Variants in RNF152 observed in about 807,000 individuals in gnomAD.
RNF152 encodes E3 ubiquitin-protein ligase RNF152.
RNF152 carries 11 observed loss-of-function variants against 12.7 expected under a neutral mutation model. That is an observed-to-expected ratio of 0.86 (90% CI 0.54 to 1.43). The LOEUF (loss-of-function observed/expected upper bound fraction) is 1.43. Ranked by LOEUF, RNF152 falls within the 40% of genes most tolerant of loss-of-function variation. RNF152 has a pLI of 0.00. For missense variants in RNF152, 255 were observed against 274.8 expected (o/e 0.93, Z 0.51); for synonymous variants, 113 against 120.3 (o/e 0.94, Z 0.40).
chr18:61,841,741 G>A (rs1425183606), intron 1 of RNF152, among the ~76,000 whole-genome samples: 1 of 152,224 alleles, frequency 6.6e-6, no homozygotes, highest in Non-Finnish European at 1.5e-5. Context: ...AACCGCAAGT[G>A]AAGAACTGGT....
chr18:61,884,185 C>T (rs1031222136), intron 1 of RNF152, among the ~76,000 whole-genome samples: 1 of 152,146 alleles, frequency 6.6e-6, no homozygotes, highest in Non-Finnish European at 1.5e-5. Context: ...TAAGTCTCTC[C>T]TGTTCTTACA....
upstream of RNF152, chr18:61,893,015 G>A (rs1367482071): frequency 6.6e-6 from 1 of 152,664 alleles, no homozygotes; most frequent in Non-Finnish European, 1.5e-5. Flanking sequence ...GGTGCACTAG[G>A]GAGGTGGAGC....
Position 61,814,020 on chromosome 18 carries a change from A to T in RNF152, c.*1832T>A, listed in dbSNP as rs2144605709. 1 of 152,330 alleles carries T rather than the reference A, an allele frequency of 6.6e-6. No homozygotes were observed. The highest frequency in any genetic ancestry group is 2.4e-5 in the African/African-American group (1 of 41,598). 9.4% of individuals were successfully genotyped at this position (152,330 alleles called of 1,614,324 possible). ...ACACAATAAAATGGCATTTTAACCT[A>T]ATTTCTATTTTGAGCTTTCAAATAC... On this transcript the variant is annotated 3_prime_UTR_variant, in exon 2 of 2. Coordinates refer to ENST00000312828, the MANE Select transcript of RNF152 (RefSeq NM_173557.3).
intron 1 of RNF152, among the ~76,000 whole-genome samples, chr18:61,884,226 T>C (rs1229653129): frequency 1.7e-5 from 2 of 117,808 alleles, no homozygotes; most frequent in African/African-American, 3.3e-5. Flanking sequence ...CTCCCCCATT[T>C]TGCAGCTGAA....
intron 1 of RNF152, among the ~76,000 whole-genome samples, chr18:61,879,223 A>G (rs1411037658): frequency 6.6e-6 from 1 of 152,242 alleles, no homozygotes; most frequent in Non-Finnish European, 1.5e-5. Flanking sequence ...ATTACTTGCT[A>G]AACGATACAG....
At chr18:61,853,208 T>C (rs574633999) in intron 1 of RNF152, among the ~76,000 whole-genome samples, 2 of 152,212 alleles carry the variant, frequency 1.3e-5, no homozygotes, top group African/African-American at 4.8e-5. Context: ...AGCCCAGATG[T>C]CTGAATTGGT....
intron 1 of RNF152, among the ~76,000 whole-genome samples, chr18:61,845,401 C>A (rs1276810667): frequency 6.6e-6 from 1 of 152,224 alleles, no homozygotes; most frequent in Non-Finnish European, 1.5e-5. Flanking sequence ...TCAGCCCCAG[C>A]CAGCTGGGCA....
chr18:61,878,749 C>T (rs116279781), intron 1 of RNF152, among the ~76,000 whole-genome samples: 62 of 152,270 alleles, frequency 4.1e-4, no homozygotes, highest in African/African-American at 1.5e-3. Flanking sequence ...AATGGAAGGG[C>T]CTGGCAGTTC....
At chr18:61,862,724 T>C (rs1911545881) in intron 1 of RNF152, among the ~76,000 whole-genome samples, 1 of 152,144 alleles carries the variant, frequency 6.6e-6, no homozygotes, top group Admixed American at 6.5e-5. Flanking sequence ...CCAGTAAACA[T>C]AAGTAGGGGT....
At chr18:61,819,158 T>C (rs574321160) in intron 1 of RNF152, among the ~76,000 whole-genome samples, 49 of 152,350 alleles carry the variant, frequency 3.2e-4, no homozygotes, top group African/African-American at 1.2e-3. Flanking sequence ...CTCTAAGAGT[T>C]TGATCGTTTT....
At chr18:61,891,313 T>G (rs955670471) in intron 1 of RNF152, among the ~76,000 whole-genome samples, 1 of 152,208 alleles carries the variant, frequency 6.6e-6, no homozygotes, top group Non-Finnish European at 1.5e-5. Context: ...GTACACAATT[T>G]AAAACCACAA....
intron 1 of RNF152, among the ~76,000 whole-genome samples, chr18:61,858,921 G>T (rs1486969565): frequency 6.6e-6 from 1 of 152,162 alleles, no homozygotes; most frequent in Admixed American, 6.5e-5. Flanking sequence ...TAAATTTGGG[G>T]TCCCCTGGCT....
rs754437225 is a variant in RNF152 at position 61,816,197 on chromosome 18, C to T, written c.267G>A (p.Pro89=). 7 of 1,614,098 alleles carry T rather than the reference C, an allele frequency of 4.3e-6. No homozygotes were observed. Among genetic ancestry groups the T allele is most frequent in the Admixed American group, 3.3e-5 (2 of 60,012 alleles). The change falls in exon 2 of 2, where the codon CCG becomes CCA. Residue 89 remains proline, a synonymous_variant. Coordinates refer to ENST00000312828, the MANE Select transcript of RNF152 (RefSeq NM_173557.3). ...CATTGCTGGGAAGTTTGATGAAGAC[C>T]GGGGTGTGTTCGGAAGTGTGTGGAA... The part of the protein sequence containing the change: ...IAIPHTSEHT[P]VFIKLPSNGC...
At chr18:61,821,753 C>T (rs1320640633) in intron 1 of RNF152, among the ~76,000 whole-genome samples, 3 of 152,158 alleles carry the variant, frequency 2.0e-5, no homozygotes, top group Admixed American at 6.5e-5. Flanking sequence ...CTCCACCTCC[C>T]GTCAGATCAG....
At chr18:61,827,885 A>T (rs1056026298) in intron 1 of RNF152, among the ~76,000 whole-genome samples, 2 of 152,366 alleles carry the variant, frequency 1.3e-5, no homozygotes, top group South Asian at 2.1e-4. Context: ...GAAGGAAAGA[A>T]AAAAGTACAA....
intron 1 of RNF152, among the ~76,000 whole-genome samples, chr18:61,831,262 T>C (rs1909929790): frequency 6.6e-6 from 1 of 152,204 alleles, no homozygotes; most frequent in Non-Finnish European, 1.5e-5. Flanking sequence ...TCTCGTCTTG[T>C]AAATCCCTCC....
chr18:61,876,815 A>G (rs1453523980), intron 1 of RNF152, among the ~76,000 whole-genome samples: 2 of 152,214 alleles, frequency 1.3e-5, no homozygotes, highest in Non-Finnish European at 1.5e-5. Context: ...CTGGCACACA[A>G]TTCATGGCGT....
intron 1 of RNF152, among the ~76,000 whole-genome samples, chr18:61,882,247 G>A (rs1008611621): frequency 6.6e-6 from 1 of 152,228 alleles, no homozygotes; most frequent in South Asian, 2.1e-4. Flanking sequence ...TTAATCTGCA[G>A]AGAAACGAAC....
At position 61,849,751 on chromosome 18, in the gene RNF152, G is replaced by A. The variant is rs532172271; in HGVS notation, c.-135-33153C>T. 1.1e-4 allele frequency among the ~76,000 whole-genome samples: 16 copies of A among 152,262 alleles called. No individual in the cohort carries two copies. In the South Asian group the frequency reaches 3.3e-3, roughly 32 times the overall value. The stretch of plus-strand genomic sequence containing the variant: ...TTGGTTTGGCTTGGGTTTTCTTTAA[G>A]AGAAGTGGTCTCACTATGTTGCCCA... On this transcript the variant is annotated intron_variant, in intron 1 of 1. Transcript: ENST00000312828.
Sources: gnomAD v4.1 joint callset for allele counts (sites outside exome capture counted in the v4.1 genomes callset) on GRCh38, gnomAD v4.1.1 for gene constraint, MANE v1.5 for transcripts, NCBI Gene and HGNC (gene_info 2026-07-23, HGNC 2026-07-21) for gene names.